Variants in KLHDC1 observed in about 807,000 individuals in gnomAD.
KLHDC1 encodes the protein kelch domain containing 1, also known as kelch domain-containing protein 1.
In KLHDC1, 53 loss-of-function variants were observed where a neutral mutation model predicts 68.3. The observed-to-expected ratio is 0.78, with a 90% CI of 0.62 to 0.98. The LOEUF is 0.98. Ranked by LOEUF, KLHDC1 falls within the 50% of genes least tolerant of loss-of-function variation. The pLI, the probability that KLHDC1 is intolerant of heterozygous loss-of-function variation, is 0.00. For missense variants in KLHDC1, 470 were observed against 492.3 expected (o/e 0.95, Z 0.43); for synonymous variants, 148 against 159.0 (o/e 0.93, Z 0.52).
chr14:49,709,573 C>G, intron 2 of KLHDC1, 136 bp from the exon 3 acceptor site: 2 of 463,490 alleles, frequency 4.3e-6, no homozygotes, highest in Middle Eastern at 7.8e-4. Context: ...AGAGTTTTTA[C>G]ATTATTGGCC....
chr14:49,694,006 C>T (rs1426138675), intron 1 of KLHDC1, among the ~76,000 whole-genome samples: 1 of 152,078 alleles, frequency 6.6e-6, no homozygotes, highest in African/African-American at 2.4e-5. Context: ...CCCGCCTTGG[C>T]TTCCCAAAAT....
intron 4 of KLHDC1, among the ~76,000 whole-genome samples, chr14:49,721,198 C>T (rs371845547): frequency 7.2e-5 from 11 of 151,918 alleles, no homozygotes; most frequent in Non-Finnish European, 1.3e-4. Flanking sequence ...TTTTTTAAGA[C>T]AAGGTCTCAC....
chr14:49,727,195 C>T lies in KLHDC1; in HGVS notation c.567+1426C>T, dbSNP rs146380018. Among the ~76,000 whole-genome samples the T allele has an allele frequency of 4.0e-5, 6 of 151,852 alleles. No individual in the cohort carries two copies. The East Asian group carries it at 9.7e-4, about 25-fold the overall frequency. ...CCTGGGAGGCGGAGGTTGCAGTGAG[C>T]GGAGATTGCTCCACTGCACCACTCC... On this transcript the variant is annotated intron_variant, in intron 6 of 12. Transcript: ENST00000359332.
chr14:49,693,364 C>A, intron 1 of KLHDC1, 74 bp downstream of exon 1: 1 of 1,101,476 alleles, frequency 9.1e-7, no homozygotes, highest in Non-Finnish European at 1.2e-6. Context: ...GCGCCCGCCA[C>A]ACCCGCTCCC....
At chr14:49,705,109 A>C (rs1040572066) in intron 1 of KLHDC1, among the ~76,000 whole-genome samples, 1 of 152,128 alleles carries the variant, frequency 6.6e-6, no homozygotes, top group African/African-American at 2.4e-5. Flanking sequence ...AAAAAGGAGG[A>C]GTTAGGCAAA....
intron 6 of KLHDC1, among the ~76,000 whole-genome samples, chr14:49,727,740 A>G (rs1323196056): frequency 6.6e-6 from 1 of 152,188 alleles, no homozygotes; most frequent in Non-Finnish European, 1.5e-5. Context: ...GTTCTCATTT[A>G]AGTGTTATAT....
At chr14:49,743,977 G>T (rs1889130468) in intron 12 of KLHDC1, among the ~76,000 whole-genome samples, 172 bp downstream of exon 12, 1 of 152,164 alleles carries the variant, frequency 6.6e-6, no homozygotes, top group African/African-American at 2.4e-5. Context: ...ATACACCAAT[G>T]TGAGTTTTAA....
chr14:49,713,813 TATATATATATATATATATATATATA>T (rs1566602689), intron 4 of KLHDC1, among the ~76,000 whole-genome samples: 4 of 1,334 alleles, frequency 3.0e-3, no homozygotes, highest in Non-Finnish European at 0.01. Context: ...TATATATATA[TATATATATATATATATATATATATA>T]TATATATATA....
chr14:49,713,110 C>T (rs766175084), intron 4 of KLHDC1, among the ~76,000 whole-genome samples: 18 of 151,716 alleles, frequency 1.2e-4, no homozygotes, highest in Admixed American at 2.6e-4. Flanking sequence ...CCACCACACC[C>T]GGGTAATTTT....
chr14:49,733,511 T>TC (rs1250738338), intron 9 of KLHDC1, among the ~76,000 whole-genome samples: 1 of 149,660 alleles, frequency 6.7e-6, no homozygotes, highest in Non-Finnish European at 1.5e-5. Flanking sequence ...CACTGCAACC[T>TC]CCACCTCCCG....
At chr14:49,735,876 G>A (rs1178075256) in intron 10 of KLHDC1, among the ~76,000 whole-genome samples, 1 of 152,002 alleles carries the variant, frequency 6.6e-6, no homozygotes, top group East Asian at 1.9e-4. Flanking sequence ...ATGGCCGGGT[G>A]TGGTGGTGCA....
Position 49,747,254 on chromosome 14 carries a change from T to G in KLHDC1, c.1034+3449T>G, listed in dbSNP as rs561045519. On this transcript the variant is annotated intron_variant, in intron 12 of 12. Coordinates refer to ENST00000359332, the MANE Select transcript of KLHDC1 (RefSeq NM_172193.3). ...GAGCCACCACACCCAGCCTTAACTT[T>G]CTTTCATATCCAGCCTAGTTCACCT... Among the ~76,000 whole-genome samples the G allele has an allele frequency of 2.9e-3, 448 of 152,310 alleles. 3 individuals carry two copies. The highest frequency in any genetic ancestry group is 0.01 in the African/African-American group (433 of 41,564).
At chr14:49,706,947 G>A (rs1350427917) in intron 1 of KLHDC1, among the ~76,000 whole-genome samples, 2 of 146,806 alleles carry the variant, frequency 1.4e-5, no homozygotes, top group Non-Finnish European at 3.0e-5. Flanking sequence ...ATTTCATTTT[G>A]TTGATTGTTC....
In KLHDC1 at chr14:49,713,012, C is replaced by T. The variant is rs138593711; in HGVS notation, c.404+2631C>T. Among the ~76,000 whole-genome samples, 931 of 144,884 alleles carry T rather than the reference C, an allele frequency of 6.4e-3. 7 individuals are homozygous for T. Among genetic ancestry groups the T allele is most frequent in the African/African-American group, 0.023 (885 of 38,996 alleles). ...TCACCCAGCCTGGAATGCAGTGGCG[C>T]GATCTCAGCTCACTGCAAGCTCTGC... On this transcript the variant is annotated intron_variant, in intron 4 of 12. Transcript: ENST00000359332.
intron 1 of KLHDC1, among the ~76,000 whole-genome samples, chr14:49,704,535 A>G (rs1887997730): frequency 6.6e-6 from 1 of 151,568 alleles, no homozygotes; most frequent in Admixed American, 6.6e-5. Flanking sequence ...CTGGGATTAC[A>G]GGCACCCGCC....
At chr14:49,729,657 C>T in intron 8 of KLHDC1, 109 bp downstream of exon 8, 2 of 678,780 alleles carry the variant, frequency 2.9e-6, no homozygotes, top group South Asian at 1.8e-5. Context: ...TTTTTTCCTT[C>T]AGATCGTATG....
intron 11 of KLHDC1, among the ~76,000 whole-genome samples, chr14:49,741,937 T>C (rs1052803812): frequency 2.6e-5 from 4 of 152,160 alleles, no homozygotes; most frequent in African/African-American, 7.2e-5. Context: ...CTTTCATCTC[T>C]TGAGGCACAG....
intron 8 of KLHDC1, 101 bp from the exon 9 acceptor site, chr14:49,732,603 G>A: frequency 2.1e-6 from 1 of 473,310 alleles, no homozygotes; most frequent in South Asian, 4.3e-5. Flanking sequence ...AAAGTTTTTT[G>A]GAGCAGTGAG....
At chr14:49,693,566 G>T (rs1013073225) in intron 1 of KLHDC1, among the ~76,000 whole-genome samples, 3 of 151,784 alleles carry the variant, frequency 2.0e-5, no homozygotes, top group African/African-American at 7.3e-5. Flanking sequence ...ACCACGGTTT[G>T]CCCAATGCAA....
Sources: gnomAD v4.1 joint callset for allele counts (sites outside exome capture counted in the v4.1 genomes callset) on GRCh38, gnomAD v4.1.1 for gene constraint, MANE v1.5 for transcripts, NCBI Gene and HGNC (gene_info 2026-07-23, HGNC 2026-07-21) for gene names.